The following FBXO11 variants were observed in gnomAD, a reference collection of about 807,000 sequenced individuals.
The protein encoded by FBXO11 is F-box protein 11, also known as F-box only protein 11.
FBXO11 carries 13 observed loss-of-function variants against 117.0 expected under a neutral mutation model. That is an observed-to-expected ratio of 0.11 (90% CI 0.07 to 0.18). The LOEUF (loss-of-function observed/expected upper bound fraction) is 0.18. FBXO11 is among the 10% of genes least tolerant of loss of function. The pLI is 1.00. For synonymous variants in FBXO11, 490 were observed against 380.5 expected (o/e 1.29, Z -3.35); for missense variants, 767 against 1,164.4 (o/e 0.66, Z 4.97).
intron 1 of FBXO11, among the ~76,000 whole-genome samples, chr2:47,885,547 C>T (rs1383196914): frequency 1.3e-5 from 2 of 151,792 alleles, no homozygotes; most frequent in Non-Finnish European, 1.5e-5. Context: ...TGCACTCCAG[C>T]CTGGGCAACA....
intron 1 of FBXO11, among the ~76,000 whole-genome samples, chr2:47,880,541 T>C (rs538959725): frequency 2.6e-5 from 4 of 152,334 alleles, no homozygotes; most frequent in African/African-American, 7.2e-5. Flanking sequence ...AAACATTGTG[T>C]TGTTTCATTT....
intron 1 of FBXO11, among the ~76,000 whole-genome samples, chr2:47,892,585 A>G (rs187557678): frequency 6.6e-6 from 1 of 152,366 alleles, no homozygotes; most frequent in Admixed American, 6.5e-5. Flanking sequence ...AGAAAGATTC[A>G]TAAAGGCATC....
chr2:47,879,392 C>T (rs1224148394), intron 1 of FBXO11, among the ~76,000 whole-genome samples: 1 of 152,220 alleles, frequency 6.6e-6, no homozygotes. Context: ...AGTGTATGAG[C>T]AGCTTTTCCC....
chr2:47,893,337 A>T (rs1236696008), intron 1 of FBXO11, among the ~76,000 whole-genome samples: 1 of 150,750 alleles, frequency 6.6e-6, no homozygotes, highest in Non-Finnish European at 1.5e-5. Context: ...ATATATATAA[A>T]TCACATGTGT....
rs1678728572 is a variant in FBXO11 at position 47,905,549 on chromosome 2, G to C, written c.172C>G (p.Pro58Ala). ...PPQQQQQQQP[P>A]PPPPPPPPLP... ...GGCGGAGGCGGCGGTGGCGGCGGCG[G>C]AGGCTGCTGCTGCTGCTGCTGCTGC... is the stretch of plus-strand genomic sequence containing the variant. The change falls in exon 1 of 23, where the codon CCG (proline) becomes GCG (alanine). Residue 58 changes from proline (P) to alanine (A), a missense_variant. By Grantham distance (27) the Pro-to-Ala change is conservative (BLOSUM62 -1). Transcript: ENST00000403359. The C allele has an allele frequency of 8.0e-7, 1 of 1,245,188 alleles. No homozygotes were observed. The highest frequency in any genetic ancestry group is 1.0e-6 in the Non-Finnish European group (1 of 997,714). The allele number at this position is 1,245,188 out of a possible 1,614,324, so 77.1% of individuals were successfully genotyped here.
chr2:47,883,255 A>G (rs781570913), intron 1 of FBXO11, among the ~76,000 whole-genome samples: 3 of 152,164 alleles, frequency 2.0e-5, no homozygotes, highest in Non-Finnish European at 4.4e-5. Flanking sequence ...AGCTATTTAC[A>G]TAGATTCCTG....
chr2:47,828,241 G>A (rs897802828), intron 11 of FBXO11, among the ~76,000 whole-genome samples: 12 of 152,040 alleles, frequency 7.9e-5, no homozygotes, highest in African/African-American at 2.2e-4. Flanking sequence ...TCAACCTCCC[G>A]AAGTGCTGGG....
intron 5 of FBXO11, 69 bp from the exon 6 acceptor site, chr2:47,834,940 A>C: frequency 9.3e-7 from 1 of 1,069,658 alleles, no homozygotes. Context: ...TTAATGTACA[A>C]TTGCATGAAC....
chr2:47,899,130 C>T (rs1193974304), intron 1 of FBXO11, among the ~76,000 whole-genome samples: 2 of 151,790 alleles, frequency 1.3e-5, no homozygotes, highest in East Asian at 1.9e-4. Flanking sequence ...AAAAATTAGC[C>T]GGGCGTGGTG....
chr2:47,890,660 C>G (rs368445347), intron 1 of FBXO11, among the ~76,000 whole-genome samples: 2 of 152,012 alleles, frequency 1.3e-5, no homozygotes, highest in South Asian at 2.1e-4. Flanking sequence ...AAAAAGTCAG[C>G]TGGACATGGT....
At chr2:47,837,618 A>G (rs892580417) in intron 4 of FBXO11, among the ~76,000 whole-genome samples, 5 of 152,266 alleles carry the variant, frequency 3.3e-5, no homozygotes, top group Non-Finnish European at 7.3e-5. Context: ...AGAAGTGTAA[A>G]GAACTATAGT....
chr2:47,901,006 GATAT>G (rs781008190), intron 1 of FBXO11, among the ~76,000 whole-genome samples: 6 of 133,490 alleles, frequency 4.5e-5, no homozygotes, highest in African/African-American at 5.3e-5. Context: ...CCGGTGGGGA[GATAT>G]ATATATTTAT....
At chr2:47,896,628 C>T (rs1026637223) in intron 1 of FBXO11, among the ~76,000 whole-genome samples, 6 of 152,078 alleles carry the variant, frequency 3.9e-5, no homozygotes, top group African/African-American at 7.2e-5. Context: ...CACTATGCCC[C>T]GCCCAATTGT....
intron 1 of FBXO11, among the ~76,000 whole-genome samples, chr2:47,844,684 ACT>A (rs1173085943): frequency 6.6e-6 from 1 of 152,068 alleles, no homozygotes; most frequent in Non-Finnish European, 1.5e-5. Context: ...ACAGGGTCTC[ACT>A]CTGTCACCCG....
intron 1 of FBXO11, among the ~76,000 whole-genome samples, chr2:47,845,948 G>T (rs1673374641): frequency 6.6e-6 from 1 of 150,842 alleles, no homozygotes; most frequent in African/African-American, 2.4e-5. Flanking sequence ...ATCCACAAAT[G>T]CATTTACATG....
chr2:47,905,579 G>A lies in FBXO11; in HGVS notation c.142C>T (p.Pro48Ser), dbSNP rs1011267996. ...QQPPQQQPPP[P>S]PQQQQQQQPP... Reference sequence around the variant, plus strand: ...TGCTGCTGCTGCTGCTGCTGCGGCGGCGGCGGAGGCTGCTGCTGGGGCGGC... The same window carrying A: ...TGCTGCTGCTGCTGCTGCTGCGGCGACGGCGGAGGCTGCTGCTGGGGCGGC... The change falls in exon 1 of 23, where the codon CCG becomes TCG. Residue 48 changes from proline to serine, a missense_variant. Pro to Ser is a moderately conservative substitution (Grantham distance 74). Coordinates refer to ENST00000403359, the MANE Select transcript of FBXO11 (RefSeq NM_001190274.2). 5 of 1,259,312 alleles carry A rather than the reference G, an allele frequency of 4.0e-6. No homozygotes were observed. Among genetic ancestry groups the A allele is most frequent in the South Asian group, 3.3e-5 (1 of 29,996 alleles). 78.0% of individuals were successfully genotyped at this position (1,259,312 alleles called of 1,614,324 possible).
chr2:47,855,496 C>G (rs999193286), intron 1 of FBXO11, among the ~76,000 whole-genome samples: 5 of 152,136 alleles, frequency 3.3e-5, no homozygotes, highest in Admixed American at 3.3e-4. Flanking sequence ...TGGACACCAT[C>G]AGTGTACATA....
chr2:47,856,015 G>A (rs1453505356), intron 1 of FBXO11, among the ~76,000 whole-genome samples: 1 of 152,174 alleles, frequency 6.6e-6, no homozygotes, highest in African/African-American at 2.4e-5. Flanking sequence ...GGAGGCTGAG[G>A]CAGGAGGATC....
intron 1 of FBXO11, among the ~76,000 whole-genome samples, chr2:47,866,219 C>G (rs181133886): frequency 3.4e-4 from 48 of 140,632 alleles, no homozygotes; most frequent in Admixed American, 1.7e-3. Flanking sequence ...GCACTTCAGC[C>G]TGGACAAGTC....
Sources: allele counts gnomAD v4.1 joint callset (sites outside exome capture counted in the v4.1 genomes callset), GRCh38; gene constraint gnomAD v4.1.1; transcripts MANE v1.5; gene names NCBI Gene and HGNC (gene_info 2026-07-23, HGNC 2026-07-21).